The following GRM5 variants were observed in gnomAD, a reference collection of about 807,000 sequenced individuals.
GRM5 encodes the protein glutamate metabotropic receptor 5, also known as metabotropic glutamate receptor 5.
A neutral mutation model predicts 83.1 loss-of-function variants in GRM5; 19 were observed. That is an observed-to-expected ratio of 0.23 (90% CI 0.16 to 0.34). GRM5 has a LOEUF of 0.34. GRM5 is among the 10% of genes least tolerant of loss of function. GRM5 has a pLI of 1.00. For synonymous variants in GRM5, 675 were observed against 633.6 expected (o/e 1.07, Z -0.98); for missense variants, 1,160 against 1,588.3 (o/e 0.73, Z 4.58).
intron 3 of GRM5, among the ~76,000 whole-genome samples, chr11:88,808,588 G>C (rs548992499): frequency 6.6e-6 from 1 of 151,988 alleles, no homozygotes; most frequent in South Asian, 2.1e-4. Flanking sequence ...TAAGAGGTGA[G>C]AATTTCTCAA....
At chr11:88,647,607 T>G (rs1168486754) in intron 4 of GRM5, among the ~76,000 whole-genome samples, 1 of 151,876 alleles carries the variant, frequency 6.6e-6, no homozygotes, top group African/African-American at 2.4e-5. Context: ...GGACTTCATG[T>G]CCAAAACACC....
intron 3 of GRM5, among the ~76,000 whole-genome samples, chr11:88,666,843 T>G (rs1940057096): frequency 6.6e-6 from 1 of 152,172 alleles, no homozygotes; most frequent in South Asian, 2.1e-4. Context: ...TAGCCTTAGA[T>G]TACCTCTACA....
chr11:89,038,266 CA>C (rs1565346667), intron 2 of GRM5, among the ~76,000 whole-genome samples: 1 of 152,016 alleles, frequency 6.6e-6, no homozygotes, highest in Non-Finnish European at 1.5e-5. Flanking sequence ...CACCTCTTGC[CA>C]AAACATCTCC....
chr11:88,766,012 A>G (rs930180225), intron 3 of GRM5, among the ~76,000 whole-genome samples: 2 of 151,830 alleles, frequency 1.3e-5, no homozygotes, highest in South Asian at 4.1e-4. Flanking sequence ...TCTGATTCAA[A>G]AAAAGGCAAA....
At chr11:88,632,314 C>A (rs1938997882) in intron 4 of GRM5, among the ~76,000 whole-genome samples, 1 of 145,054 alleles carries the variant, frequency 6.9e-6, no homozygotes, top group African/African-American at 2.6e-5. Flanking sequence ...TGGTGCAATC[C>A]TAGCTCACTG....
intron 1 of GRM5, among the ~76,000 whole-genome samples, chr11:89,064,980 A>G (rs1329314126): frequency 6.9e-6 from 1 of 145,696 alleles, no homozygotes; most frequent in Non-Finnish European, 1.5e-5. Flanking sequence ...TCCATAAAGG[A>G]ACCAAGAGTA....
chr11:88,820,221 A>T (rs1943762270), intron 3 of GRM5, among the ~76,000 whole-genome samples: 1 of 141,216 alleles, frequency 7.1e-6, no homozygotes, highest in Non-Finnish European at 1.5e-5. Flanking sequence ...TCTACTAAAA[A>T]ATACAAAAAA....
At chr11:88,527,862 A>G (rs1941915664) in intron 8 of GRM5, among the ~76,000 whole-genome samples, 5 of 152,132 alleles carry the variant, frequency 3.3e-5, no homozygotes, top group Admixed American at 3.3e-4. Context: ...TCATGTTTTC[A>G]TTTATCAATG....
At chr11:88,646,778 A>C (rs1277594211) in intron 4 of GRM5, among the ~76,000 whole-genome samples, 10 of 151,760 alleles carry the variant, frequency 6.6e-5, no homozygotes, top group Admixed American at 6.6e-4. Flanking sequence ...GCAAAGAAGG[A>C]GGGTGTCATC....
chr11:88,672,919 G>A (rs1397487890), intron 3 of GRM5, among the ~76,000 whole-genome samples: 3 of 151,904 alleles, frequency 2.0e-5, no homozygotes, highest in Non-Finnish European at 4.4e-5. Flanking sequence ...TCAAGACAGA[G>A]AAGTTACTGT....
chr11:89,050,524 T>C (rs1941734898), intron 1 of GRM5, among the ~76,000 whole-genome samples: 1 of 152,206 alleles, frequency 6.6e-6, no homozygotes, highest in African/African-American at 2.4e-5. Flanking sequence ...TCTTTAGGTC[T>C]TTGAGGAATC....
At position 88,988,341 on chromosome 11, in the gene GRM5, C is replaced by T. The variant is rs1464485859; in HGVS notation, c.661+58871G>A. 2.0e-5 allele frequency among the ~76,000 whole-genome samples: 3 copies of T among 150,078 alleles called. No homozygotes were observed. In the East Asian group the frequency reaches 5.9e-4, roughly 29 times the overall value. ...AATAAAAAGAAATGAGCAAAGCCTC[C>T]AAGAAATATGGGACTATGTGAAAAG... On this transcript the variant is annotated intron_variant, in intron 2 of 9. Coordinates refer to ENST00000305447, the MANE Select transcript of GRM5 (RefSeq NM_001143831.3).
At chr11:88,865,269 A>G (rs1283105579) in intron 2 of GRM5, among the ~76,000 whole-genome samples, 1 of 152,092 alleles carries the variant, frequency 6.6e-6, no homozygotes, top group Non-Finnish European at 1.5e-5. Flanking sequence ...ATCTGCAACC[A>G]CCTGATGTTT....
chr11:89,015,849 T>C (rs1017806282), intron 2 of GRM5, among the ~76,000 whole-genome samples: 2 of 152,198 alleles, frequency 1.3e-5, no homozygotes, highest in African/African-American at 4.8e-5. Flanking sequence ...TGTTCTCACC[T>C]TGACTCTACC....
At chr11:88,917,653 A>T (rs993479180) in intron 2 of GRM5, among the ~76,000 whole-genome samples, 2 of 152,144 alleles carry the variant, frequency 1.3e-5, no homozygotes, top group African/African-American at 2.4e-5. Context: ...TAATCTTAAA[A>T]ACTCAAGCAG....
chr11:88,776,063 G>A (rs983274924), intron 3 of GRM5, among the ~76,000 whole-genome samples: 2 of 152,112 alleles, frequency 1.3e-5, no homozygotes, highest in African/African-American at 4.8e-5. Context: ...CATTATCATT[G>A]TGTGGGAGTC....
At chr11:89,005,594 C>T (rs1442872396) in intron 2 of GRM5, among the ~76,000 whole-genome samples, 5 of 152,244 alleles carry the variant, frequency 3.3e-5, no homozygotes, top group East Asian at 1.9e-4. Context: ...ATAAGTTACT[C>T]GGTTTTTCCT....
intron 2 of GRM5, among the ~76,000 whole-genome samples, chr11:88,926,579 C>T (rs746153670): frequency 6.6e-6 from 1 of 152,140 alleles, no homozygotes; most frequent in Admixed American, 6.6e-5. Context: ...GTCTATTTAG[C>T]AACTCAACTT....
chr11:88,974,867 T>G (rs1024869466), intron 2 of GRM5, among the ~76,000 whole-genome samples: 2 of 152,154 alleles, frequency 1.3e-5, no homozygotes, highest in African/African-American at 2.4e-5. Flanking sequence ...CAAAACTTGG[T>G]AAATAATTAG....
Sources: gnomAD v4.1 joint callset for allele counts (sites outside exome capture counted in the v4.1 genomes callset) on GRCh38, gnomAD v4.1.1 for gene constraint, MANE v1.5 for transcripts, NCBI Gene and HGNC (gene_info 2026-07-23, HGNC 2026-07-21) for gene names.